The following ERICH2 variants were observed in gnomAD, a reference collection of about 807,000 sequenced individuals.
ERICH2 encodes the protein glutamate-rich protein 2.
In ERICH2, 17 loss-of-function variants were observed where a neutral mutation model predicts 17.4. The ratio of observed to expected loss-of-function variants is 0.98; its 90% confidence interval spans 0.67 to 1.47. ERICH2 has a LOEUF of 1.47. Ranked by LOEUF, ERICH2 falls within the 40% of genes most tolerant of loss-of-function variation. The pLI is 0.00. For missense variants in ERICH2, 186 were observed against 183.2 expected (o/e 1.01, Z -0.09); for synonymous variants, 51 against 61.1 (o/e 0.83, Z 0.77).
At chr2:170,789,412 T>C (rs1388931470) in intron 2 of ERICH2, among the ~76,000 whole-genome samples, 1 of 152,246 alleles carries the variant, frequency 6.6e-6, no homozygotes, top group Non-Finnish European at 1.5e-5. Flanking sequence ...GTAATAATTC[T>C]GTAATATATA....
upstream of ERICH2, among the ~76,000 whole-genome samples, chr2:170,780,912 T>A (rs1701010750): frequency 6.6e-6 from 1 of 152,244 alleles, no homozygotes; most frequent in South Asian, 2.1e-4. Context: ...TCCTGGAAAC[T>A]GAATATTTCA....
At chr2:170,794,395 T>C (rs944722522) in intron 3 of ERICH2, among the ~76,000 whole-genome samples, 4 of 152,002 alleles carry the variant, frequency 2.6e-5, no homozygotes, top group Admixed American at 2.0e-4. Context: ...GGGTGAGCCA[T>C]AGCACCTGGC....
At chr2:170,784,082 ACTATTTAG>A (rs1202530178) in intron 1 of ERICH2, among the ~76,000 whole-genome samples, 2 of 152,070 alleles carry the variant, frequency 1.3e-5, no homozygotes, top group African/African-American at 4.8e-5. Context: ...ATGTATATAC[ACTATTTAG>A]AGTAGCTCAT....
intron 3 of ERICH2, among the ~76,000 whole-genome samples, chr2:170,794,977 C>A (rs1701381034): frequency 6.6e-6 from 1 of 152,102 alleles, no homozygotes; most frequent in Non-Finnish European, 1.5e-5. Context: ...TTTTTGGTGA[C>A]CCACAAATAT....
At chr2:170,796,871 G>C (rs1701438976) in intron 3 of ERICH2, among the ~76,000 whole-genome samples, 1 of 152,080 alleles carries the variant, frequency 6.6e-6, no homozygotes, top group African/African-American at 2.4e-5. Flanking sequence ...ACTCCTCAAG[G>C]CTGGTAGGAA....
At chr2:170,786,031 A>AT (rs547363071) in intron 2 of ERICH2, among the ~76,000 whole-genome samples, 1 of 151,610 alleles carries the variant, frequency 6.6e-6, no homozygotes, top group African/African-American at 2.4e-5. Flanking sequence ...TCAATACATT[A>AT]TTTTTTTTAA....
At chr2:170,780,228 T>C (rs945042476), upstream of ERICH2, among the ~76,000 whole-genome samples, 1 of 152,230 alleles carries the variant, frequency 6.6e-6, no homozygotes, top group Non-Finnish European at 1.5e-5. Flanking sequence ...TGTTAGAGTA[T>C]ACTGGTTACC....
the ERICH2 span, among the ~76,000 whole-genome samples, chr2:170,776,716 G>A: frequency 6.6e-6 from 1 of 152,082 alleles, no homozygotes; most frequent in Admixed American, 6.5e-5. Flanking sequence ...CCAATAAACT[G>A]GAATGTGGCA....
intron 2 of ERICH2, among the ~76,000 whole-genome samples, chr2:170,790,088 C>T (rs1011882764): frequency 1.3e-5 from 2 of 152,192 alleles, no homozygotes; most frequent in Non-Finnish European, 2.9e-5. Context: ...GATCACATTC[C>T]CTGTCCATGC....
chr2:170,785,221 A>G (rs1344633469), intron 2 of ERICH2, among the ~76,000 whole-genome samples: 1 of 152,210 alleles, frequency 6.6e-6, no homozygotes, highest in African/African-American at 2.4e-5. Flanking sequence ...AGTATCAAAC[A>G]TGTACCCCCA....
At chr2:170,790,617 ACT>A (rs1249507409) in intron 2 of ERICH2, among the ~76,000 whole-genome samples, 1 of 151,950 alleles carries the variant, frequency 6.6e-6, no homozygotes, top group African/African-American at 2.4e-5. Flanking sequence ...ATAGAGCAAG[ACT>A]CTGCCTCCAA....
At chr2:170,775,289 G>A in the ERICH2 span, among the ~76,000 whole-genome samples, 10 of 151,932 alleles carry the variant, frequency 6.6e-5, no homozygotes, top group African/African-American at 1.2e-4. Flanking sequence ...AAAAATAGCC[G>A]GATGTGGTGG....
intron 2 of ERICH2, among the ~76,000 whole-genome samples, chr2:170,791,558 C>T (rs1014048838): frequency 1.5e-5 from 2 of 137,710 alleles, no homozygotes; most frequent in African/African-American, 2.7e-5. Context: ...GGCGTGGTGG[C>T]AGGCGCCTGT....
chr2:170,794,989 G>T (rs577166364), intron 3 of ERICH2, among the ~76,000 whole-genome samples: 2 of 152,100 alleles, frequency 1.3e-5, no homozygotes, highest in Admixed American at 1.3e-4. Context: ...CACAAATATA[G>T]AATTTTTTTT....
At chr2:170,776,045 A>C in the ERICH2 span, among the ~76,000 whole-genome samples, 1 of 152,002 alleles carries the variant, frequency 6.6e-6, no homozygotes. Flanking sequence ...GGAAAATTTT[A>C]AGTGTGGCCG....
chr2:170,789,798 C>T (rs1472376559), intron 2 of ERICH2, among the ~76,000 whole-genome samples: 1 of 152,096 alleles, frequency 6.6e-6, no homozygotes, highest in Non-Finnish European at 1.5e-5. Context: ...ATTAAATAGA[C>T]TACATATTAG....
chr2:170,779,525 TAACA>T (rs1700979965), upstream of ERICH2, among the ~76,000 whole-genome samples: 1 of 152,168 alleles, frequency 6.6e-6, no homozygotes, highest in Non-Finnish European at 1.5e-5. Flanking sequence ...TGCTTGTAGT[TAACA>T]AACTATTTTC....
At position 170,786,630 on chromosome 2, in the gene ERICH2, C is replaced by T. The variant is rs114467570; in HGVS notation, c.216+1797C>T. Among the ~76,000 whole-genome samples the T allele has an allele frequency of 4.4e-3, 673 of 152,246 alleles. 5 individuals are homozygous for T. The highest frequency in any genetic ancestry group is 0.013 in the African/African-American group (545 of 41,568). The stretch of plus-strand genomic sequence containing the variant: ...TTCATCTAAGGTGCAATTGCTAAAA[C>T]GCTGAACCACTCAGTATTGTCCCAG... On this transcript the variant is annotated intron_variant, in intron 2 of 4. Transcript: ENST00000409885.
chr2:170,798,040 G>A lies in ERICH2; in HGVS notation c.275-1G>A, dbSNP rs576235138. On this transcript the variant is annotated splice_acceptor_variant, in intron 3 of 4. Transcript: ENST00000409885. LOFTEE classifies it high-confidence loss of function. ...ATTCTGTTGTCCATTTTCATTTTCA[G>A]TCCTAATCTATGAACCAGAAAATCC... 6.5e-7 allele frequency: 1 copy of A among 1,544,756 alleles called. No individual in the cohort carries two copies.
Sources: gnomAD v4.1 joint callset for allele counts (sites outside exome capture counted in the v4.1 genomes callset) on GRCh38, gnomAD v4.1.1 for gene constraint, MANE v1.5 for transcripts, NCBI Gene and HGNC (gene_info 2026-07-23, HGNC 2026-07-21) for gene names.